MMP20: variants seen among roughly 807,000 people sequenced by gnomAD.
MMP20 encodes matrix metallopeptidase 20.
MMP20 carries 50 observed loss-of-function variants against 51.8 expected under a neutral mutation model. The observed-to-expected ratio is 0.97, with a 90% CI of 0.77 to 1.22. MMP20 has a LOEUF of 1.22. Among genes scored for constraint, MMP20 ranks in the 50% most tolerant of loss-of-function variants. The pLI is 0.00. For synonymous variants in MMP20, 244 were observed against 216.2 expected (o/e 1.13, Z -1.13); for missense variants, 663 against 601.4 (o/e 1.10, Z -1.07).
chr11:102,598,111 C>T (rs558417877), intron 6 of MMP20, among the ~76,000 whole-genome samples: 3 of 152,188 alleles, frequency 2.0e-5, no homozygotes, highest in Non-Finnish European at 4.4e-5. Flanking sequence ...TGAAAAATTT[C>T]AGTAAACTAA....
chr11:102,602,054 A>G (rs960639818), intron 6 of MMP20, among the ~76,000 whole-genome samples: 10 of 141,700 alleles, frequency 7.1e-5, no homozygotes, highest in Non-Finnish European at 1.5e-4. Flanking sequence ...GGTTCACGCC[A>G]TTCTCCTGCC....
intron 2 of MMP20, among the ~76,000 whole-genome samples, chr11:102,612,979 C>T (rs561728203): frequency 2.8e-4 from 42 of 152,188 alleles, no homozygotes; most frequent in African/African-American, 7.5e-4. Context: ...TCAGGTGATC[C>T]GCCCTCCTCA....
chr11:102,609,161 T>C (rs1203897397), intron 4 of MMP20, 63 bp from the exon 5 acceptor site: 1 of 1,415,794 alleles, frequency 7.1e-7, no homozygotes, highest in African/African-American at 1.4e-5. Context: ...CCATCTTCCA[T>C]CTTTATAGTA....
chr11:102,587,674 G>C (rs1196123832), intron 8 of MMP20, among the ~76,000 whole-genome samples: 1 of 151,974 alleles, frequency 6.6e-6, no homozygotes, highest in East Asian at 1.9e-4. Context: ...ATGGTATATT[G>C]ACTTTTTGTC....
chr11:102,606,471 G>A lies in MMP20; in HGVS notation c.953+64C>T, dbSNP rs1859517422. ...ACAAGGCAGCAACAAGGACCTGTGG[G>A]ACGACGTTTGTCTGGGAGTGGAGAT... On this transcript the variant is annotated intron_variant, in intron 6 of 9. Transcript: ENST00000260228. 7 of 1,605,178 alleles carry A rather than the reference G, an allele frequency of 4.4e-6. No individual in the cohort carries two copies. In the South Asian group the frequency reaches 7.7e-5, roughly 18 times the overall value.
At chr11:102,593,128 T>C (rs988175008) in intron 8 of MMP20, among the ~76,000 whole-genome samples, 2 of 152,140 alleles carry the variant, frequency 1.3e-5, no homozygotes, top group Non-Finnish European at 2.9e-5. Context: ...AGTGGGTAGT[T>C]AGGGATTTGG....
intron 6 of MMP20, among the ~76,000 whole-genome samples, chr11:102,604,327 A>G (rs1367933538): frequency 1.3e-5 from 2 of 152,164 alleles, no homozygotes; most frequent in African/African-American, 4.8e-5. Context: ...TTGCTTACCA[A>G]TTCCATTTGG....
chr11:102,607,576 G>A (rs958578467), intron 5 of MMP20: 1 of 152,476 alleles, frequency 6.6e-6, no homozygotes, highest in East Asian at 1.9e-4. Context: ...CAGAGGCGGG[G>A]TGAGGCTTTG....
chr11:102,603,088 C>A (rs1010186788), intron 6 of MMP20, among the ~76,000 whole-genome samples: 2 of 152,194 alleles, frequency 1.3e-5, no homozygotes, highest in South Asian at 2.1e-4. Flanking sequence ...GAATATCTGA[C>A]AAATCTCACG....
chr11:102,603,503 G>T (rs577148675), intron 6 of MMP20, among the ~76,000 whole-genome samples: 95 of 152,290 alleles, frequency 6.2e-4, no homozygotes, highest in Non-Finnish European at 8.5e-4. Flanking sequence ...TGAACAAGTT[G>T]CTTATCCTTT....
chr11:102,605,325 A>G (rs887521081), intron 6 of MMP20: 1 of 152,118 alleles, frequency 6.6e-6, no homozygotes, highest in Admixed American at 6.5e-5. Flanking sequence ...CACCTGGTCT[A>G]TGGTACTTGG....
At chr11:102,622,604 A>T (rs1784404) in intron 1 of MMP20, among the ~76,000 whole-genome samples, 113,550 of 151,948 alleles carry the variant, frequency 0.75, 42,656 homozygotes, top group East Asian at 0.92. Flanking sequence ...AGTCAGCAAC[A>T]CTCTGTCATC....
chr11:102,583,017 T>A (rs1859214349), intron 8 of MMP20, among the ~76,000 whole-genome samples: 1 of 152,212 alleles, frequency 6.6e-6, no homozygotes, highest in African/African-American at 2.4e-5. Flanking sequence ...GCTCTTGAGT[T>A]CAAGACCTGT....
chr11:102,580,562 GC>G (rs1859180776), intron 8 of MMP20, among the ~76,000 whole-genome samples: 1 of 152,240 alleles, frequency 6.6e-6, no homozygotes, highest in African/African-American at 2.4e-5. Flanking sequence ...AGTCTGAGCT[GC>G]TTTACAGAAT....
At position 102,594,640 on chromosome 11, in the gene MMP20, G is replaced by A; in HGVS notation, c.1071C>T (p.Gly357=). The change falls in exon 7 of 10, where the codon GGC becomes GGT. Residue 357 remains glycine, a synonymous_variant. Transcript: ENST00000260228. ...VDAAYEVAER[G]TAYFFKGPHY... ...GGGTACCTTTGAAGAAGTAAGCAGT[G>A]CCCCTCTCAGCCACTTCGTAAGCTG... The A allele has an allele frequency of 3.1e-6, 5 of 1,613,808 alleles. No homozygotes were observed. The highest frequency in any genetic ancestry group is 3.4e-6 in the Non-Finnish European group (4 of 1,179,978).
intron 2 of MMP20, among the ~76,000 whole-genome samples, chr11:102,612,113 A>T (rs1355490723): frequency 1.3e-5 from 2 of 152,236 alleles, no homozygotes; most frequent in Non-Finnish European, 2.9e-5. Flanking sequence ...CAGTTGGGAT[A>T]ATCCGGTACT....
rs1168517234 is a variant in MMP20, at chr11:102,601,125, C to CTTTTTTTTTTTTTTTT, written c.953+5394_953+5409dup. Among the ~76,000 whole-genome samples the CTTTTTTTTTTTTTTTT allele has an allele frequency of 1.8e-4, 5 of 28,266 alleles. 2 individuals carry two copies. The highest frequency in any genetic ancestry group is 8.5e-4 in the African/African-American group (5 of 5,852). The allele number at this position is 28,266 out of a possible 152,430, so 18.5% of individuals were successfully genotyped here. On this transcript the variant is annotated intron_variant, in intron 6 of 9. Transcript: ENST00000260228. Reference sequence around the variant, plus strand: ...AAATGACCACGAAGTGTCGGCTATTCTTTTTTTTTTTTTTTTTTTTTTTTT... The same window carrying CTTTTTTTTTTTTTTTT: ...AAATGACCACGAAGTGTCGGCTATTCTTTTTTTTTTTTTTTTTTTTTTTTTTTTTTTTTTTTTTTTT...
intron 8 of MMP20, among the ~76,000 whole-genome samples, chr11:102,588,474 T>C (rs970225685): frequency 4.6e-5 from 7 of 152,200 alleles, no homozygotes; most frequent in Non-Finnish European, 1.0e-4. Flanking sequence ...CTAGTGTCTT[T>C]TCTTTAGCCA....
At chr11:102,610,770 TTA>T (rs1491371032) in intron 3 of MMP20, among the ~76,000 whole-genome samples, 1 of 152,026 alleles carries the variant, frequency 6.6e-6, no homozygotes, top group Non-Finnish European at 1.5e-5. Context: ...TTTTTTTTTT[TTA>T]AAAAGCCGAC....
Sources: allele counts gnomAD v4.1 joint callset (sites outside exome capture counted in the v4.1 genomes callset), GRCh38; gene constraint gnomAD v4.1.1; transcripts MANE v1.5; gene names NCBI Gene and HGNC (gene_info 2026-07-23, HGNC 2026-07-21).